Variants in MARK3 observed in about 807,000 individuals in gnomAD.
MARK3 encodes the protein microtubule affinity regulating kinase 3, also known as MAP/microtubule affinity-regulating kinase 3.
In MARK3, 46 loss-of-function variants were observed where a neutral mutation model predicts 90.1. The ratio of observed to expected loss-of-function variants is 0.51; its 90% confidence interval spans 0.40 to 0.65. The LOEUF is 0.65. MARK3 is among the 30% of genes least tolerant of loss of function. MARK3 has a pLI of 0.00. For missense variants in MARK3, 818 were observed against 947.2 expected, an observed-to-expected ratio of 0.86 and a Z score of 1.79; for synonymous variants, 321 against 332.6, an observed-to-expected ratio of 0.97 and a Z score of 0.38.
At chr14:103,447,538 C>T (rs533543590) in intron 3 of MARK3, among the ~76,000 whole-genome samples, 2 of 152,224 alleles carry the variant, frequency 1.3e-5, no homozygotes, top group African/African-American at 4.8e-5. Flanking sequence ...ACATTCCCCA[C>T]AGAAGGATAG....
chr14:103,434,877 A>G (rs1386694211), intron 3 of MARK3, among the ~76,000 whole-genome samples: 1 of 152,152 alleles, frequency 6.6e-6, no homozygotes, highest in East Asian at 1.9e-4. Context: ...AGGGTTATTC[A>G]TTGTGCCCCT....
intron 3 of MARK3, among the ~76,000 whole-genome samples, chr14:103,428,742 G>A (rs2092489425): frequency 6.6e-6 from 1 of 151,896 alleles, no homozygotes; most frequent in Admixed American, 6.6e-5. Context: ...ATTGACTAGA[G>A]TTTTTTTAAA....
At chr14:103,427,790 G>A (rs935378626) in intron 2 of MARK3, among the ~76,000 whole-genome samples, 10 of 152,140 alleles carry the variant, frequency 6.6e-5, no homozygotes, top group African/African-American at 2.2e-4. Flanking sequence ...CTTATAATGA[G>A]CAGTGAGGAC....
chr14:103,393,312 A>G (rs905878205), intron 1 of MARK3, among the ~76,000 whole-genome samples: 7 of 152,240 alleles, frequency 4.6e-5, no homozygotes, highest in African/African-American at 1.4e-4. Context: ...ACTTCTAAGC[A>G]CAACCTGTTG....
intron 1 of MARK3, among the ~76,000 whole-genome samples, chr14:103,391,049 A>G (rs564847229): frequency 6.6e-6 from 1 of 152,190 alleles, no homozygotes; most frequent in Non-Finnish European, 1.5e-5. Flanking sequence ...AGGAAAATTT[A>G]AAAAAATAGA....
intron 1 of MARK3, among the ~76,000 whole-genome samples, chr14:103,389,540 A>AAAAAAAAAG (rs1251349786): frequency 2.1e-5 from 3 of 146,280 alleles, no homozygotes; most frequent in Non-Finnish European, 4.5e-5. Flanking sequence ...AAAAAAAAAA[A>AAAAAAAAAG]AAAAAAAAGC....
chr14:103,478,407 T>G (rs1311718384), intron 13 of MARK3, among the ~76,000 whole-genome samples: 1 of 145,748 alleles, frequency 6.9e-6, no homozygotes, highest in Non-Finnish European at 1.5e-5. Context: ...CCAGTCTGTG[T>G]TCTGTCTCTG....
intron 14 of MARK3, among the ~76,000 whole-genome samples, chr14:103,488,068 T>C (rs1309216629): frequency 6.6e-6 from 1 of 151,924 alleles, no homozygotes; most frequent in Non-Finnish European, 1.5e-5. Context: ...TAAATAACAT[T>C]TGTGTGCATT....
At chr14:103,396,315 C>G (rs2090576768) in intron 1 of MARK3, among the ~76,000 whole-genome samples, 1 of 152,154 alleles carries the variant, frequency 6.6e-6, no homozygotes. Flanking sequence ...ATCTCCATAG[C>G]TGGCTTAGGA....
At chr14:103,397,326 A>ATTT (rs34252723) in intron 1 of MARK3, among the ~76,000 whole-genome samples, 13 of 133,100 alleles carry the variant, frequency 9.8e-5, no homozygotes, top group Non-Finnish European at 1.4e-4. Flanking sequence ...CTGAATAAAC[A>ATTT]TTTTTTTTTT....
chr14:103,466,118 T>C, intron 9 of MARK3, 27 bp downstream of exon 9: 2 of 1,611,440 alleles, frequency 1.2e-6, no homozygotes, highest in South Asian at 1.1e-5. Flanking sequence ...AAACAAGCAG[T>C]AACTTTGGAG....
chr14:103,441,913 T>G (rs112728758), intron 3 of MARK3, among the ~76,000 whole-genome samples: 1 of 152,186 alleles, frequency 6.6e-6, no homozygotes, highest in African/African-American at 2.4e-5. Flanking sequence ...TTTTTAATGA[T>G]AGGACACCAA....
intron 3 of MARK3, among the ~76,000 whole-genome samples, chr14:103,442,404 A>G (rs1167634049): frequency 6.6e-6 from 1 of 151,790 alleles, no homozygotes; most frequent in Non-Finnish European, 1.5e-5. Context: ...CCATTAGCCC[A>G]TAGTATAGCT....
rs547866486 is a variant in MARK3, at chr14:103,495,439, C to T, written c.1845-3063C>T. 5.7e-3 allele frequency among the ~76,000 whole-genome samples: 334 copies of T among 58,644 alleles called. 1 individual carries two copies. The highest frequency in any genetic ancestry group is 0.016 in the African/African-American group (292 of 17,858). 38.5% of individuals were successfully genotyped at this position (58,644 alleles called of 152,430 possible). A position where few individuals can be genotyped will look rare whatever the true frequency, so the allele number is the denominator to read the frequency against. On this transcript the variant is annotated intron_variant, in intron 15 of 17. Coordinates refer to ENST00000429436, the MANE Select transcript of MARK3 (RefSeq NM_001128918.3). The stretch of plus-strand genomic sequence containing the variant: ...AGGTTGCAGAGAGCCAAGATCACAC[C>T]ATTGCACTCCAGCCTGGCGACAGAT...
At chr14:103,484,205 T>C (rs2093880799) in intron 14 of MARK3, among the ~76,000 whole-genome samples, 1 of 150,930 alleles carries the variant, frequency 6.6e-6, no homozygotes, top group Non-Finnish European at 1.5e-5. Flanking sequence ...TGCGATGGAG[T>C]CTCGCTCTTT....
intron 3 of MARK3, among the ~76,000 whole-genome samples, chr14:103,441,742 T>C (rs1300370799): frequency 6.6e-6 from 1 of 152,198 alleles, no homozygotes; most frequent in South Asian, 2.1e-4. Context: ...GTATAATCAC[T>C]TGCTGCCTCA....
chr14:103,447,298 CAAAAAA>C lies in MARK3; in HGVS notation c.298-1620_298-1615del, dbSNP rs201813508. ...TGGGCAGCAGAGCGAGACCCTGTCT[CAAAAAA>C]TAAAAATAAATTAACAAAAAAATCT... On this transcript the variant is annotated intron_variant, in intron 3 of 17. Transcript: ENST00000429436. 7.2e-5 allele frequency among the ~76,000 whole-genome samples: 11 copies of C among 152,114 alleles called. No homozygotes were observed. In the East Asian group the frequency reaches 2.1e-3, roughly 29 times the overall value.
rs58495929 is a variant in MARK3, at chr14:103,414,206, C to CTT, written c.243+8953_243+8954dup. Reference sequence around the variant, plus strand: ...ATTACTTAGTACTTTTCTTTTCTTTCTTTTTTTTTTTTTTTAAAGATGGAC... The same window carrying CTT: ...ATTACTTAGTACTTTTCTTTTCTTTCTTTTTTTTTTTTTTTTTAAAGATGGAC... On this transcript the variant is annotated intron_variant, in intron 2 of 17. Transcript: ENST00000429436. Among the ~76,000 whole-genome samples, 1,137 of 140,638 alleles carry CTT rather than the reference C, an allele frequency of 8.1e-3. 17 individuals carry two copies. Among genetic ancestry groups the CTT allele is most frequent in the African/African-American group, 0.027 (1,047 of 38,310 alleles). 92.3% of individuals were successfully genotyped at this position (140,638 alleles called of 152,430 possible).
At chr14:103,387,031 C>G (rs2089862543) in intron 1 of MARK3, among the ~76,000 whole-genome samples, 1 of 152,186 alleles carries the variant, frequency 6.6e-6, no homozygotes, top group South Asian at 2.1e-4. Context: ...TGACTATATT[C>G]TGTAAAACAT....
Sources: gnomAD v4.1 joint callset for allele counts (sites outside exome capture counted in the v4.1 genomes callset) on GRCh38, gnomAD v4.1.1 for gene constraint, MANE v1.5 for transcripts, NCBI Gene and HGNC (gene_info 2026-07-23, HGNC 2026-07-21) for gene names.